The following SYNE3 variants were observed in gnomAD, a reference collection of about 807,000 sequenced individuals.
SYNE3 encodes the protein spectrin repeat containing nuclear envelope family member 3.
Under a neutral mutation model 111.2 loss-of-function variants are expected in SYNE3, and 100 were observed. The observed-to-expected ratio is 0.90, with a 90% CI of 0.77 to 1.06. SYNE3 has a LOEUF of 1.06. SYNE3 is among the 50% of genes least tolerant of loss of function. The probability of loss-of-function intolerance (pLI) is 0.00; values close to 1 mark genes in which losing one functional copy is unlikely to be tolerated. For missense variants in SYNE3, 1,160 were observed against 1,240.3 expected (o/e 0.94, Z 0.97); for synonymous variants, 547 against 533.9 (o/e 1.02, Z -0.34).
chr14:95,490,898 C>T (rs1566685627), intron 1 of SYNE3, among the ~76,000 whole-genome samples: 1 of 152,256 alleles, frequency 6.6e-6, no homozygotes, highest in African/African-American at 2.4e-5. Context: ...CTGCATCATC[C>T]GTTGATATGT....
At chr14:95,430,006 G>GGAAGGAA (rs1389462231) in intron 17 of SYNE3, 45 of 382,886 alleles carry the variant, frequency 1.2e-4, no homozygotes, top group African/African-American at 6.3e-4. Flanking sequence ...AAGGAAAGAA[G>GGAAGGAA]GGAGGGAGGG....
intron 11 of SYNE3, among the ~76,000 whole-genome samples, chr14:95,441,463 C>G (rs1595193964): frequency 6.6e-6 from 1 of 152,242 alleles, no homozygotes; most frequent in Non-Finnish European, 1.5e-5. Flanking sequence ...TGGGGAAGGA[C>G]ATATTAGATT....
chr14:95,481,818 G>A (rs556837105), intron 1 of SYNE3, among the ~76,000 whole-genome samples: 91 of 152,364 alleles, frequency 6.0e-4, no homozygotes, highest in Middle Eastern at 3.4e-3. Flanking sequence ...GAAAGCAATT[G>A]GCCGAGATGC....
Position 95,412,044 on chromosome 14 carries a change from G to A in SYNE3, c.*5782C>T, listed in dbSNP as rs1188234734. 6.6e-6 allele frequency: 1 copy of A among 152,446 alleles called. No homozygotes were observed. The highest frequency in any genetic ancestry group is 1.5e-5 in the Non-Finnish European group (1 of 68,212). 9.4% of individuals were successfully genotyped at this position (152,446 alleles called of 1,614,324 possible). On this transcript the variant is annotated 3_prime_UTR_variant, in exon 18 of 18. Transcript: ENST00000682763. The stretch of plus-strand genomic sequence containing the variant: ...CTCCAGGAGCCTCCCAAGCTGTGTT[G>A]TTCTGTGACCCAGCACAGCCCAACA...
At chr14:95,436,756 C>A in intron 15 of SYNE3, 64 bp downstream of exon 15, 1 of 1,574,144 alleles carries the variant, frequency 6.4e-7, no homozygotes, top group Non-Finnish European at 8.7e-7. Context: ...GAAGAACTCC[C>A]TGGTGGCAAA....
At chr14:95,502,269 A>ACCCCCCCCCCCCCCCCC (rs1185324256) in intron 1 of SYNE3, among the ~76,000 whole-genome samples, 1 of 22,386 alleles carries the variant, frequency 4.5e-5, no homozygotes, top group Non-Finnish European at 9.4e-5. Flanking sequence ...CTGACCCCCC[A>ACCCCCCCCCCCCCCCCC]CCCCCACCCC....
chr14:95,431,943 T>C, intron 17 of SYNE3, 136 bp downstream of exon 17: 2 of 1,011,180 alleles, frequency 2.0e-6, no homozygotes, highest in Non-Finnish European at 1.4e-6. Context: ...AGCCCAGAGT[T>C]GATCCCCCAT....
rs1473065911 is a variant in SYNE3 at position 95,417,477 on chromosome 14, T to C, written c.*349A>G. On this transcript the variant is annotated 3_prime_UTR_variant, in exon 18 of 18. Coordinates refer to ENST00000682763, the MANE Select transcript of SYNE3 (RefSeq NM_152592.6). The stretch of plus-strand genomic sequence containing the variant: ...TTTCTAGGGTTGACTGCAGACCAAG[T>C]CAACAATACCACAAAATCCCATTGG... 6.1e-5 allele frequency: 20 copies of C among 325,824 alleles called. No individual in the cohort carries two copies. 20.2% of individuals were successfully genotyped at this position (325,824 alleles called of 1,614,324 possible).
chr14:95,511,223 G>A (rs1402633040), intron 1 of SYNE3, among the ~76,000 whole-genome samples: 1 of 152,200 alleles, frequency 6.6e-6, no homozygotes, highest in Non-Finnish European at 1.5e-5. Context: ...ATTGTTTTGG[G>A]AATCAAGTAC....
At chr14:95,483,980 C>T (rs557581762) in intron 1 of SYNE3, among the ~76,000 whole-genome samples, 9 of 152,308 alleles carry the variant, frequency 5.9e-5, no homozygotes, top group South Asian at 2.1e-4. Flanking sequence ...TGTCACAGAC[C>T]GGTGGTGTCT....
rs796750479 is a variant in SYNE3 at position 95,414,671 on chromosome 14, CCT to C, written c.*3153_*3154del. 3.7e-4 allele frequency: 54 copies of C among 144,228 alleles called. No homozygotes were observed. Among genetic ancestry groups the C allele is most frequent in the Non-Finnish European group, 5.3e-4 (35 of 66,552 alleles). 8.9% of individuals were successfully genotyped at this position (144,228 alleles called of 1,614,324 possible). On this transcript the variant is annotated 3_prime_UTR_variant, in exon 18 of 18. Transcript: ENST00000682763. ...TCCTTTCTCCCTCCTCTCCTTCCCTCCTCTCTCTCTCTCTGACACACACACAC... is the reference window on the plus strand; with the variant it reads ...TCCTTTCTCCCTCCTCTCCTTCCCTCCTCTCTCTCTCTGACACACACACAC...
At chr14:95,418,507 C>T (rs1884881896) in intron 17 of SYNE3, among the ~76,000 whole-genome samples, 1 of 152,208 alleles carries the variant, frequency 6.6e-6, no homozygotes, top group Non-Finnish European at 1.5e-5. Context: ...TCTTCGTCAT[C>T]ACCATCATCA....
Position 95,412,591 on chromosome 14 carries a change from G to A in SYNE3, c.*5235C>T, listed in dbSNP as rs568773249. ...TGGCCAGTGGGAAGGCAGGGCCAGTGAGCACCTGGGTTTTATTTTTTTAGA... is the reference window on the plus strand; with the variant it reads ...TGGCCAGTGGGAAGGCAGGGCCAGTAAGCACCTGGGTTTTATTTTTTTAGA... On this transcript the variant is annotated 3_prime_UTR_variant, in exon 18 of 18. Coordinates refer to ENST00000682763, the MANE Select transcript of SYNE3 (RefSeq NM_152592.6). The A allele has an allele frequency of 2.6e-5, 4 of 152,366 alleles. 1 individual carries two copies. Among genetic ancestry groups the A allele is most frequent in the African/African-American group, 9.6e-5 (4 of 41,574 alleles). The allele number at this position is 152,366 out of a possible 1,614,324, so 9.4% of individuals were successfully genotyped here. A position where few individuals can be genotyped will look rare whatever the true frequency, so the allele number is the denominator to read the frequency against.
At chr14:95,427,407 G>C (rs960050309) in intron 17 of SYNE3, among the ~76,000 whole-genome samples, 25 of 152,276 alleles carry the variant, frequency 1.6e-4, no homozygotes, top group Admixed American at 1.3e-3. Context: ...GTTATCCGGA[G>C]GCCTAACCGT....
intron 1 of SYNE3, among the ~76,000 whole-genome samples, chr14:95,497,990 T>C (rs1395902936): frequency 6.9e-6 from 1 of 144,042 alleles, no homozygotes; most frequent in Non-Finnish European, 1.5e-5. Flanking sequence ...GCCACTGCAC[T>C]CCCCTCCAGC....
chr14:95,446,021 A>G lies in SYNE3; in HGVS notation c.1520T>C (p.Ile507Thr), dbSNP rs757771903. The G allele has an allele frequency of 2.7e-5, 44 of 1,614,012 alleles. No homozygotes were observed. Among genetic ancestry groups the G allele is most frequent in the Non-Finnish European group, 3.7e-5 (44 of 1,180,034 alleles). ...GGCTCTCTCCTGGCCAAAGATGCCA[A>G]TCAGGAGGTCTTTCTTCAGCTGCAG... ...TMLQLKKDLLIGIFGQERATA... is the reference protein window; with the variant it reads ...TMLQLKKDLLTGIFGQERATA... The change falls in exon 9 of 18, where the codon ATT becomes ACT. Residue 507 changes from isoleucine to threonine, a missense_variant. Physicochemically the swap from Ile to Thr is moderately conservative, Grantham distance 89. Coordinates refer to ENST00000682763, the MANE Select transcript of SYNE3 (RefSeq NM_152592.6).
At chr14:95,450,292 A>G (rs1382696110) in intron 7 of SYNE3, 187 bp from the exon 8 acceptor site, 22 of 698,910 alleles carry the variant, frequency 3.1e-5, no homozygotes, top group Non-Finnish European at 4.6e-5. Context: ...GACTTTGATT[A>G]ATATCACTAT....
At chr14:95,482,327 G>A (rs1244188665) in intron 1 of SYNE3, among the ~76,000 whole-genome samples, 1 of 152,170 alleles carries the variant, frequency 6.6e-6, no homozygotes, top group East Asian at 1.9e-4. Flanking sequence ...CCAGCTACTT[G>A]GGAGGCTGAG....
chr14:95,432,145 G>T (rs777403040), intron 16 of SYNE3, 28 bp from the exon 17 acceptor site: 1 of 1,118,830 alleles, frequency 8.9e-7, no homozygotes, highest in East Asian at 2.4e-5. Flanking sequence ...GAGAGGAAAA[G>T]GGGGGAAAAA....
Sources: allele counts gnomAD v4.1 joint callset (sites outside exome capture counted in the v4.1 genomes callset), GRCh38; gene constraint gnomAD v4.1.1; transcripts MANE v1.5; gene names NCBI Gene and HGNC (gene_info 2026-07-23, HGNC 2026-07-21).